Variants in TPH1 observed in about 807,000 individuals in gnomAD.
TPH1 encodes the protein tryptophan 5-hydroxylase 1.
A neutral mutation model predicts 49.5 loss-of-function variants in TPH1; 37 were observed. The observed-to-expected ratio is 0.75, with a 90% CI of 0.58 to 0.98. The LOEUF is 0.98. Ranked by LOEUF, TPH1 falls within the 50% of genes least tolerant of loss-of-function variation. The probability of loss-of-function intolerance (pLI) is 0.00; values close to 1 mark genes in which losing one functional copy is unlikely to be tolerated. For missense variants in TPH1, 487 were observed against 523.6 expected (o/e 0.93, Z 0.68); for synonymous variants, 160 against 182.1 (o/e 0.88, Z 0.98).
rs566686515 is a variant in TPH1, at chr11:18,019,439, A to G, written c.*1552T>C. The G allele has an allele frequency of 6.1e-6, 2 of 327,240 alleles. No individual in the cohort carries two copies. The highest frequency in any genetic ancestry group is 1.6e-4 in the East Asian group (2 of 12,262). The allele number at this position is 327,240 out of a possible 1,614,324, so 20.3% of individuals were successfully genotyped here. On this transcript the variant is annotated 3_prime_UTR_variant, in exon 11 of 11. Coordinates refer to ENST00000682019, the MANE Select transcript of TPH1 (RefSeq NM_004179.3). ...CTGAGTTCCTTTATAGACCTGTTCA[A>G]TTTGAGATGCTTGGCAGGGCTGTCA...
intron 1 of TPH1, among the ~76,000 whole-genome samples, chr11:18,043,888 T>C (rs1470113980): frequency 1.3e-5 from 2 of 151,628 alleles, no homozygotes; most frequent in Non-Finnish European, 2.9e-5. Flanking sequence ...AAAAGAGAAT[T>C]TCCTTCAATT....
chr11:18,040,012 T>C (rs932520761), intron 2 of TPH1, among the ~76,000 whole-genome samples: 1 of 151,764 alleles, frequency 6.6e-6, no homozygotes, highest in Non-Finnish European at 1.5e-5. Flanking sequence ...CATTATAGAA[T>C]CTTTGCTACA....
intron 2 of TPH1, among the ~76,000 whole-genome samples, chr11:18,039,671 G>C (rs1034564100): frequency 2.0e-5 from 3 of 152,094 alleles, no homozygotes; most frequent in Admixed American, 6.6e-5. Context: ...GCAGTTGTTT[G>C]TTTAATGTTG....
At position 18,029,169 on chromosome 11, in the gene TPH1, T is replaced by A. The variant is rs772454328; in HGVS notation, c.663A>T (p.Leu221Phe). 21 of 1,610,826 alleles carry A rather than the reference T, an allele frequency of 1.3e-5. No individual in the cohort carries two copies. Among genetic ancestry groups the A allele is most frequent in the Non-Finnish European group, 1.6e-5 (19 of 1,177,344 alleles). The change falls in exon 6 of 11, where the codon TTA becomes TTT. Residue 221 changes from leucine to phenylalanine, a missense_variant. Physicochemically the swap from Leu to Phe is conservative, Grantham distance 22 (BLOSUM62 0). Coordinates refer to ENST00000682019, the MANE Select transcript of TPH1 (RefSeq NM_004179.3). ...IPQLEDVSNF[L>F]KERTGFSIRP... ...AAAAATTAATTAGCTTATTACCTTT[T>A]AAAAAGTTGGAGACATCTTCCAATT...
Position 18,029,539 on chromosome 11 carries a change from A to G in TPH1, c.443T>C (p.Phe148Ser). Residue 148 changes from phenylalanine to serine, a missense_variant, in exon 5 of 11, where the codon TTT becomes TCT. Coordinates refer to ENST00000682019, the MANE Select transcript of TPH1 (RefSeq NM_004179.3). ...TTTATAGTTCATAGCCAAGTCCGCAAAATACTTTCGACGTTTACGGTAGAC... is the reference window on the plus strand; with the variant it reads ...TTTATAGTTCATAGCCAAGTCCGCAGAATACTTTCGACGTTTACGGTAGAC... Reference protein sequence around the residue: ...DNVYRKRRKYFADLAMNYKHG... With the variant: ...DNVYRKRRKYSADLAMNYKHG... The G allele has an allele frequency of 6.2e-7, 1 of 1,613,274 alleles. No individual in the cohort carries two copies. Among genetic ancestry groups the G allele is most frequent in the Non-Finnish European group, 8.5e-7 (1 of 1,179,520 alleles).
At chr11:18,035,879 A>G in intron 3 of TPH1, 80 bp downstream of exon 3, 1 of 1,204,078 alleles carries the variant, frequency 8.3e-7, no homozygotes, top group South Asian at 1.3e-5. Context: ...TATTATTTTA[A>G]TGTCTTCAAG....
chr11:18,043,616 A>G (rs898163997), intron 1 of TPH1, among the ~76,000 whole-genome samples: 31 of 149,700 alleles, frequency 2.1e-4, no homozygotes, highest in African/African-American at 7.7e-4. Flanking sequence ...AAACAAAAAC[A>G]AAAACAAACA....
intron 6 of TPH1, among the ~76,000 whole-genome samples, chr11:18,026,872 T>C (rs1847933969): frequency 6.6e-6 from 1 of 152,212 alleles, no homozygotes; most frequent in African/African-American, 2.4e-5. Flanking sequence ...TTTCTCCTTA[T>C]TGTGACAACT....
intron 8 of TPH1, among the ~76,000 whole-genome samples, chr11:18,025,095 T>G (rs1466032358): frequency 6.6e-6 from 1 of 152,232 alleles, no homozygotes; most frequent in Admixed American, 6.5e-5. Flanking sequence ...CAGGCCTTAC[T>G]CATCTTTGTA....
rs1847962929 is a variant in TPH1, at chr11:18,029,506, A to G, written c.470+6T>C. The G allele has an allele frequency of 1.9e-6, 3 of 1,606,032 alleles. No individual in the cohort carries two copies. The African/African-American group carries it at 4.0e-5, about 21-fold the overall frequency. On this transcript the variant is annotated splice_donor_region_variant and intron_variant, in intron 5 of 10. Transcript: ENST00000682019. Reference sequence around the variant, plus strand: ...AAGTTGACTATATTTTTTTAAATATACTTACTGTTTATAGTTCATAGCCAA... The same window carrying G: ...AAGTTGACTATATTTTTTTAAATATGCTTACTGTTTATAGTTCATAGCCAA...
chr11:18,020,439 T>G lies in TPH1; in HGVS notation c.*552A>C, dbSNP rs1043398047. The G allele has an allele frequency of 2.5e-5, 4 of 157,652 alleles. No homozygotes were observed. 9.8% of individuals were successfully genotyped at this position (157,652 alleles called of 1,614,324 possible). ...TGCTCTTTACTAGGTATCCTCCATG[T>G]GCAAAGGCCTCTATACTTTTGCTCA... On this transcript the variant is annotated 3_prime_UTR_variant, in exon 11 of 11. Coordinates refer to ENST00000682019, the MANE Select transcript of TPH1 (RefSeq NM_004179.3).
intron 6 of TPH1, among the ~76,000 whole-genome samples, chr11:18,028,166 A>T (rs1847947939): frequency 6.6e-6 from 1 of 152,258 alleles, no homozygotes; most frequent in Admixed American, 6.5e-5. Flanking sequence ...TATACTAGCT[A>T]GAAAAAAGTA....
At chr11:18,029,954 A>G (rs753894434) in intron 4 of TPH1, among the ~76,000 whole-genome samples, 8 of 152,208 alleles carry the variant, frequency 5.3e-5, no homozygotes, top group Non-Finnish European at 7.3e-5. Context: ...AATAGTAATT[A>G]ATAATAAAAA....
intron 6 of TPH1, among the ~76,000 whole-genome samples, chr11:18,028,693 A>G (rs1417422866): frequency 6.6e-6 from 1 of 152,116 alleles, no homozygotes; most frequent in East Asian, 1.9e-4. Context: ...GTGGTGCCCA[A>G]TCCTGGATCC....
At position 18,033,348 on chromosome 11, in the gene TPH1, T is replaced by C. The variant is rs1848010857; in HGVS notation, c.328A>G (p.Lys110Glu). Residue 110 changes from lysine to glutamate, a missense_variant, in exon 4 of 11, where the codon AAG becomes GAG. Physicochemically the swap from Lys to Glu is moderately conservative, Grantham distance 56. Transcript: ENST00000682019. ...DGMETVPWFP[K>E]KISDLDHCAN... ...CAATGGTCCAGGTCAGAAATCTTCT[T>C]TGGAAACCAAGGAACAGTTTCCATA... 5.0e-6 allele frequency: 8 copies of C among 1,613,920 alleles called. No individual in the cohort carries two copies. Among genetic ancestry groups the C allele is most frequent in the Non-Finnish European group, 6.8e-6 (8 of 1,179,852 alleles).
rs1354361679 is a variant in TPH1 at position 18,018,941 on chromosome 11, TTTC to T, written c.*2047_*2049del. ...ATGTTCTAAGATTTGCTTTTTTTAA[TTTC>T]TTTTTTTCTACATGTTCTAAGATTT... On this transcript the variant is annotated 3_prime_UTR_variant, in exon 11 of 11. Coordinates refer to ENST00000682019, the MANE Select transcript of TPH1 (RefSeq NM_004179.3). 6.6e-6 allele frequency: 1 copy of T among 152,154 alleles called. No individual in the cohort carries two copies. The highest frequency in any genetic ancestry group is 1.5e-5 in the Non-Finnish European group (1 of 68,014). The allele number at this position is 152,154 out of a possible 1,614,324, so 9.4% of individuals were successfully genotyped here.
rs772477093 is a variant in TPH1, at chr11:18,022,861, A to G, written c.1097T>C (p.Ile366Thr). Reference sequence around the variant, plus strand: ...AAAGTAGACATCTTGAAAAGTTGTGATAAGACATTCCTGTTTGCAGGTAAT... The same window carrying G: ...AAAGTAGACATCTTGAAAAGTTGTGGTAAGACATTCCTGTTTGCAGGTAAT... ...PKITCKQECL[I>T]TTFQDVYFVS... The change falls in exon 10 of 11, where the codon ATC becomes ACC. Residue 366 changes from isoleucine (I) to threonine (T), a missense_variant. Transcript: ENST00000682019. 1.2e-6 allele frequency: 2 copies of G among 1,613,658 alleles called. No homozygotes were observed. The highest frequency in any genetic ancestry group is 1.7e-6 in the Non-Finnish European group (2 of 1,179,680).
chr11:18,044,250 C>T (rs1167281711), intron 1 of TPH1, among the ~76,000 whole-genome samples: 2 of 151,872 alleles, frequency 1.3e-5, no homozygotes, highest in Non-Finnish European at 2.9e-5. Context: ...GGTGAAACCC[C>T]GTCTCTACTA....
In TPH1 at chr11:18,025,584, T is replaced by C; in HGVS notation, c.921A>G (p.Lys307=). ...AATTCCAGATTTATACCGTTGCCAGTTTTTGAACAGCCTCCTCTGAAGCGC... is the reference window on the plus strand; with the variant it reads ...AATTCCAGATTTATACCGTTGCCAGCTTTTGAACAGCCTCCTCTGAAGCGC... ...SLGASEEAVQ[K]LATCYFFTVE... Residue 307 remains lysine (K), a synonymous_variant, in exon 8 of 11, where the codon AAA becomes AAG. Transcript: ENST00000682019. 1 of 1,613,886 alleles carries C rather than the reference T, an allele frequency of 6.2e-7. No individual in the cohort carries two copies. Among genetic ancestry groups the C allele is most frequent in the Non-Finnish European group, 8.5e-7 (1 of 1,179,776 alleles).
Sources: allele counts gnomAD v4.1 joint callset (sites outside exome capture counted in the v4.1 genomes callset), GRCh38; gene constraint gnomAD v4.1.1; transcripts MANE v1.5; gene names NCBI Gene and HGNC (gene_info 2026-07-23, HGNC 2026-07-21).